PTBP3: variants seen among roughly 807,000 people sequenced by gnomAD.
PTBP3 encodes polypyrimidine tract binding protein 3.
In PTBP3, 20 loss-of-function variants were observed where a neutral mutation model predicts 58.7. The ratio of observed to expected loss-of-function variants is 0.34; its 90% CI spans 0.24 to 0.50. PTBP3 has a LOEUF of 0.50. Ranked by LOEUF, PTBP3 falls within the 20% of genes least tolerant of loss-of-function variation. PTBP3 has a pLI of 0.98. For synonymous variants in PTBP3, 185 were observed against 219.8 expected (o/e 0.84, Z 1.40); for missense variants, 509 against 637.2 (o/e 0.80, Z 2.17).
chr9:112,320,441 G>C (rs1324868960), intron 1 of PTBP3, among the ~76,000 whole-genome samples: 1 of 150,360 alleles, frequency 6.7e-6, no homozygotes, highest in Non-Finnish European at 1.5e-5. Context: ...TACAATTTTT[G>C]TCAATTAAAA....
At chr9:112,350,822 G>T in the PTBP3 span, among the ~76,000 whole-genome samples, 1 of 151,692 alleles carries the variant, frequency 6.6e-6, no homozygotes, top group Admixed American at 6.6e-5. Context: ...TTCCTAAGAC[G>T]AAGTCTCACT....
At chr9:112,349,948 C>T in the PTBP3 span, among the ~76,000 whole-genome samples, 3 of 142,866 alleles carry the variant, frequency 2.1e-5, no homozygotes, top group South Asian at 7.1e-4. Context: ...AATTGTTTGT[C>T]TGTGGGGAAA....
intron 1 of PTBP3, among the ~76,000 whole-genome samples, chr9:112,318,044 C>A (rs1829778819): frequency 6.6e-6 from 1 of 152,136 alleles, no homozygotes; most frequent in Non-Finnish European, 1.5e-5. Flanking sequence ...ACAAATCCAA[C>A]ACCCATTAAT....
intron 10 of PTBP3, 42 bp from the exon 11 acceptor site, chr9:112,228,514 G>C: frequency 7.4e-7 from 1 of 1,353,476 alleles, no homozygotes; most frequent in Admixed American, 2.3e-5. Flanking sequence ...ACGTCTGATT[G>C]TGTTGTGTTT....
chr9:112,366,214 C>A, the PTBP3 span, among the ~76,000 whole-genome samples: 1 of 151,382 alleles, frequency 6.6e-6, no homozygotes, highest in South Asian at 2.1e-4. Flanking sequence ...ACCCAGGAAG[C>A]GGAGATTGCA....
the PTBP3 span, among the ~76,000 whole-genome samples, chr9:112,342,416 CATATA>C: frequency 6.6e-5 from 10 of 152,124 alleles, no homozygotes; most frequent in Admixed American, 2.0e-4. Context: ...TACTCTATAA[CATATA>C]ATATAAGAGG....
At chr9:112,350,637 CTCT>C in the PTBP3 span, among the ~76,000 whole-genome samples, 2 of 152,102 alleles carry the variant, frequency 1.3e-5, no homozygotes, top group African/African-American at 2.4e-5. Flanking sequence ...AAAGAAATTT[CTCT>C]TCTTTTCTTA....
At position 112,223,626 on chromosome 9, in the gene PTBP3, T is replaced by G. The variant is rs190867370; in HGVS notation, c.*225A>C. ...TTCCTGATTTTCTTTTTCCTGAAGGTTATTTTTGTAGAAACCATGGTAAAA... is the reference window on the plus strand; with the variant it reads ...TTCCTGATTTTCTTTTTCCTGAAGGGTATTTTTGTAGAAACCATGGTAAAA... On this transcript the variant is annotated 3_prime_UTR_variant, in exon 14 of 14. Coordinates refer to ENST00000374257, the MANE Select transcript of PTBP3 (RefSeq NM_001163788.4). The G allele has an allele frequency of 2.7e-5, 34 of 1,252,270 alleles. No homozygotes were observed. The East Asian group carries it at 5.1e-4, about 19-fold the overall frequency. The allele number at this position is 1,252,270 out of a possible 1,614,324, so 77.6% of individuals were successfully genotyped here.
At chr9:112,379,031 A>G in the PTBP3 span, among the ~76,000 whole-genome samples, 1 of 152,172 alleles carries the variant, frequency 6.6e-6, no homozygotes, top group African/African-American at 2.4e-5. Context: ...TACTAAAAAC[A>G]CAAAAAAATT....
At chr9:112,271,034 C>T (rs1827364481) in intron 3 of PTBP3, among the ~76,000 whole-genome samples, 1 of 151,984 alleles carries the variant, frequency 6.6e-6, no homozygotes, top group Non-Finnish European at 1.5e-5. Context: ...ACCATGTTGG[C>T]CAGGCTGGTC....
At chr9:112,359,169 C>T in the PTBP3 span, among the ~76,000 whole-genome samples, 2 of 151,162 alleles carry the variant, frequency 1.3e-5, no homozygotes, top group Non-Finnish European at 2.9e-5. Context: ...AGGCTGGGCG[C>T]GGTGGCTCAT....
At chr9:112,262,674 A>C (rs1464082938) in intron 4 of PTBP3, 75 bp from the exon 5 acceptor site, 1 of 1,339,552 alleles carries the variant, frequency 7.5e-7, no homozygotes, top group Non-Finnish European at 9.8e-7. Flanking sequence ...AGTTGACATA[A>C]AACAGTATGA....
At chr9:112,355,612 ACT>A in the PTBP3 span, among the ~76,000 whole-genome samples, 10 of 147,520 alleles carry the variant, frequency 6.8e-5, no homozygotes, top group Non-Finnish European at 1.5e-4. Flanking sequence ...ATGGCTAAGA[ACT>A]CTTTTTCTTT....
Position 112,220,446 on chromosome 9 carries a change from A to C in PTBP3, c.*3405T>G. 1 of 1,149,086 alleles carries C rather than the reference A, an allele frequency of 8.7e-7. No homozygotes were observed. Among genetic ancestry groups the C allele is most frequent in the Non-Finnish European group, 1.1e-6 (1 of 922,026 alleles). The allele number at this position is 1,149,086 out of a possible 1,614,324, so 71.2% of individuals were successfully genotyped here. A position where few individuals can be genotyped will look rare whatever the true frequency, so the allele number is the denominator to read the frequency against. ...CATAGGAGCCACTTCTCATCAACTA[A>C]AACAGAACCCATGATTATCATACTA... On this transcript the variant is annotated 3_prime_UTR_variant, in exon 14 of 14. Coordinates refer to ENST00000374257, the MANE Select transcript of PTBP3 (RefSeq NM_001163788.4).
chr9:112,332,783 C>T, intron 1 of PTBP3: 1 of 1,612,470 alleles, frequency 6.2e-7, no homozygotes, highest in South Asian at 1.1e-5. Context: ...ATTTTACATA[C>T]ACGGGCAGAT....
At chr9:112,229,434 G>A (rs780139353) in intron 10 of PTBP3, among the ~76,000 whole-genome samples, 9 of 151,956 alleles carry the variant, frequency 5.9e-5, no homozygotes, top group South Asian at 4.2e-4. Flanking sequence ...GCCTGGTGGC[G>A]CACACCTGTA....
intron 2 of PTBP3, among the ~76,000 whole-genome samples, 195 bp from the exon 3 acceptor site, chr9:112,276,208 G>A (rs1827603837): frequency 6.6e-6 from 1 of 152,072 alleles, no homozygotes; most frequent in African/African-American, 2.4e-5. Context: ...GGTGCTTTTG[G>A]TTTTTCACTG....
chr9:112,220,257 G>C lies in PTBP3; in HGVS notation c.*3594C>G. The C allele has an allele frequency of 7.4e-7, 1 of 1,343,436 alleles. No homozygotes were observed. The highest frequency in any genetic ancestry group is 9.8e-7 in the Non-Finnish European group (1 of 1,018,000). The allele number at this position is 1,343,436 out of a possible 1,614,324, so 83.2% of individuals were successfully genotyped here. ...AAACATGTAAGCACTGCTGACTGAT[G>C]GCACGGAGACACTGAAAAGAACAGA... On this transcript the variant is annotated 3_prime_UTR_variant, in exon 14 of 14. Transcript: ENST00000374257.
At chr9:112,258,675 G>A (rs891862070) in intron 5 of PTBP3, among the ~76,000 whole-genome samples, 1 of 151,994 alleles carries the variant, frequency 6.6e-6, no homozygotes, top group Non-Finnish European at 1.5e-5. Context: ...TTTCTCTTCA[G>A]AACCACATCT....
Sources: gnomAD v4.1 joint callset for allele counts (sites outside exome capture counted in the v4.1 genomes callset) on GRCh38, gnomAD v4.1.1 for gene constraint, MANE v1.5 for transcripts, NCBI Gene and HGNC (gene_info 2026-07-23, HGNC 2026-07-21) for gene names.